GMDS: variants seen among roughly 807,000 people sequenced by gnomAD.
GMDS encodes the protein GDP-mannose 4,6 dehydratase.
Under a neutral mutation model 49.9 loss-of-function variants are expected in GMDS, and 20 were observed. That is an observed-to-expected ratio of 0.40 (90% CI 0.28 to 0.58). GMDS has a LOEUF of 0.58. GMDS is among the 20% of genes least tolerant of loss of function. GMDS has a pLI of 0.42. For synonymous variants in GMDS, 177 were observed against 178.6 expected, an observed-to-expected ratio of 0.99 and a Z score of 0.07; for missense variants, 362 against 481.4, an observed-to-expected ratio of 0.75 and a Z score of 2.32.
chr6:2,027,540 G>T (rs1232386643), intron 4 of GMDS, among the ~76,000 whole-genome samples: 4 of 152,138 alleles, frequency 2.6e-5, no homozygotes. Flanking sequence ...AATAGGAAGA[G>T]AAATCATCAA....
chr6:2,214,051 A>G (rs1366657781), intron 1 of GMDS, among the ~76,000 whole-genome samples: 2 of 152,354 alleles, frequency 1.3e-5, no homozygotes, highest in East Asian at 1.9e-4. Flanking sequence ...CAATGAAGCA[A>G]AGACTATCAA....
chr6:1,680,494 G>T lies in GMDS; in HGVS notation c.987+45922C>A, dbSNP rs931349088. On this transcript the variant is annotated intron_variant, in intron 9 of 10. Coordinates refer to ENST00000380815, the MANE Select transcript of GMDS (RefSeq NM_001500.4). ...CTTCCAAAGTACCACACCAATGAGG[G>T]TGCAGGCCAGGTGTTAGTTCTGATC... Among the ~76,000 whole-genome samples, 3 of 151,926 alleles carry T rather than the reference G, an allele frequency of 2.0e-5. No individual in the cohort carries two copies. In the East Asian group the frequency reaches 5.8e-4, roughly 29 times the overall value.
At chr6:2,054,683 T>C (rs1418461344) in intron 4 of GMDS, among the ~76,000 whole-genome samples, 2 of 151,970 alleles carry the variant, frequency 1.3e-5, no homozygotes, top group Non-Finnish European at 2.9e-5. Context: ...ACAAACGAAG[T>C]ATGATTTCAG....
chr6:1,995,029 C>T (rs1414883023), intron 4 of GMDS, among the ~76,000 whole-genome samples: 1 of 152,118 alleles, frequency 6.6e-6, no homozygotes, highest in Non-Finnish European at 1.5e-5. Context: ...TAGTTAGCAT[C>T]AACACAACAC....
At chr6:2,097,065 T>C (rs574301154) in intron 4 of GMDS, among the ~76,000 whole-genome samples, 5 of 151,906 alleles carry the variant, frequency 3.3e-5, no homozygotes, top group Non-Finnish European at 7.4e-5. Context: ...GATATCATGC[T>C]GTACAAAAAT....
intron 9 of GMDS, among the ~76,000 whole-genome samples, chr6:1,716,835 T>C (rs1766194569): frequency 6.6e-6 from 1 of 152,224 alleles, no homozygotes; most frequent in African/African-American, 2.4e-5. Context: ...AGCCCTGCTC[T>C]AAAACTCCCC....
chr6:1,923,562 C>A (rs137927782), intron 7 of GMDS, among the ~76,000 whole-genome samples: 2 of 152,326 alleles, frequency 1.3e-5, no homozygotes, highest in South Asian at 2.1e-4. Context: ...AGGGGTTGAG[C>A]GCAGCAGGCT....
At chr6:2,056,645 C>T (rs916062720) in intron 4 of GMDS, among the ~76,000 whole-genome samples, 47 of 152,174 alleles carry the variant, frequency 3.1e-4, no homozygotes, top group Admixed American at 1.9e-3. Flanking sequence ...CCCAGACTTA[C>T]TAACTCAAAA....
chr6:1,816,827 CTTTT>C (rs995519285), intron 7 of GMDS, among the ~76,000 whole-genome samples: 1 of 150,882 alleles, frequency 6.6e-6, no homozygotes, highest in Non-Finnish European at 1.5e-5. Flanking sequence ...GGAGGTCTTT[CTTTT>C]TGTCTGCTGA....
At chr6:1,999,120 G>A (rs547946624) in intron 4 of GMDS, among the ~76,000 whole-genome samples, 27 of 152,108 alleles carry the variant, frequency 1.8e-4, no homozygotes, top group South Asian at 1.7e-3. Context: ...TCAGGAAATC[G>A]AGACCAGCCT....
chr6:1,808,467 T>C (rs1488376868), intron 7 of GMDS, among the ~76,000 whole-genome samples: 1 of 152,192 alleles, frequency 6.6e-6, no homozygotes. Context: ...GAATGACTTG[T>C]AGAGCAGAGA....
intron 4 of GMDS, among the ~76,000 whole-genome samples, chr6:2,062,482 G>C (rs1214389590): frequency 6.6e-6 from 1 of 152,034 alleles, no homozygotes; most frequent in Admixed American, 6.5e-5. Context: ...TATTTGTGAA[G>C]ATGCCAAGAA....
At chr6:1,708,929 T>C (rs1210660443) in intron 9 of GMDS, among the ~76,000 whole-genome samples, 2 of 152,200 alleles carry the variant, frequency 1.3e-5, no homozygotes, top group Non-Finnish European at 2.9e-5. Flanking sequence ...ACATGTTCAG[T>C]TGGGCCCTGA....
intron 1 of GMDS, among the ~76,000 whole-genome samples, chr6:2,231,906 T>C (rs1781127574): frequency 6.6e-6 from 1 of 152,206 alleles, no homozygotes; most frequent in South Asian, 2.1e-4. Context: ...ATAAATGAAA[T>C]TGTTTTTCAT....
chr6:1,639,613 C>G (rs954998222), intron 9 of GMDS, among the ~76,000 whole-genome samples: 1 of 152,232 alleles, frequency 6.6e-6, no homozygotes, highest in African/African-American at 2.4e-5. Context: ...TGAGGCCGGG[C>G]ACGGTGGCTC....
In GMDS at chr6:2,191,111, C is replaced by T. The variant is rs1778995226; in HGVS notation, c.102+54210G>A. Among the ~76,000 whole-genome samples, 1 of 152,108 alleles carries T rather than the reference C, an allele frequency of 6.6e-6. No homozygotes were observed. Among genetic ancestry groups the T allele is most frequent in the Admixed American group, 6.5e-5 (1 of 15,280 alleles). ...GGTGCGGTCACCACGCCCACTGCAC[C>T]AAGGGTGCCGTGTTCTTGCGCCCCC... On this transcript the variant is annotated intron_variant, in intron 1 of 10. Transcript: ENST00000380815. This position sits in a 1 kb window ranked among gnomAD's most constrained non-coding sequence, Gnocchi z 4.6.
intron 7 of GMDS, among the ~76,000 whole-genome samples, chr6:1,743,400 G>A (rs9392331): frequency 0.09 from 13,653 of 151,112 alleles, 713 homozygotes; most frequent in African/African-American, 0.14. Context: ...AAAATTAGCC[G>A]GGCGTGGTGG....
Position 2,117,567 on chromosome 6 carries a change from A to G in GMDS, c.148-11T>C. ...TACAATTCCATGGACCTGAGTTTTT[A>G]CAGTGTGGAAAGATAAATGTGCAAT... On this transcript the variant is annotated splice_polypyrimidine_tract_variant and intron_variant, in intron 2 of 10. Transcript: ENST00000380815. The G allele has an allele frequency of 6.7e-7, 1 of 1,485,912 alleles. No individual in the cohort carries two copies. Among genetic ancestry groups the G allele is most frequent in the East Asian group, 2.3e-5 (1 of 44,252 alleles). The allele number at this position is 1,485,912 out of a possible 1,614,324, so 92.0% of individuals were successfully genotyped here.
Position 1,924,805 on chromosome 6 carries a change from A to C in GMDS, c.771+5298T>G, listed in dbSNP as rs146051685. 3.5e-3 allele frequency among the ~76,000 whole-genome samples: 533 copies of C among 152,292 alleles called. 5 individuals carry two copies. The highest frequency in any genetic ancestry group is 0.012 in the African/African-American group (503 of 41,560). ...GCATTGCCACTAGAGTGTTCTCGTG[A>C]AGCTGCTTGAGCCTATATGGAGAGA... On this transcript the variant is annotated intron_variant, in intron 7 of 10. Coordinates refer to ENST00000380815, the MANE Select transcript of GMDS (RefSeq NM_001500.4).
Sources: gnomAD v4.1 joint callset for allele counts (sites outside exome capture counted in the v4.1 genomes callset) on GRCh38, gnomAD v4.1.1 for gene constraint, Gnocchi (gnomAD v3.1) non-coding constraint, MANE v1.5 for transcripts, NCBI Gene and HGNC (gene_info 2026-07-23, HGNC 2026-07-21) for gene names.